MUC17: variants seen among roughly 807,000 people sequenced by gnomAD.
MUC17 encodes mucin 17, cell surface associated, also known as mucin-17.
A neutral mutation model predicts 170.3 loss-of-function variants in MUC17; 190 were observed. The observed-to-expected ratio is 1.12, with a 90% CI of 0.99 to 1.26. The LOEUF (loss-of-function observed/expected upper bound fraction) is 1.26, where lower values mean the gene tolerates loss of function less well. MUC17 is among the 50% of genes most tolerant of loss of function. The pLI is 0.00. For synonymous variants in MUC17, 2,325 were observed against 2,002.5 expected (o/e 1.16, Z -4.30); for missense variants, 6,415 against 5,530.0 (o/e 1.16, Z -5.08).
At chr7:101,022,098 T>C (rs1794101486) in intron 1 of MUC17, among the ~76,000 whole-genome samples, 1 of 151,632 alleles carries the variant, frequency 6.6e-6, no homozygotes, top group Non-Finnish European at 1.5e-5. Flanking sequence ...CCCCCATCCC[T>C]GTCTAGGGCT....
At position 101,043,106 on chromosome 7, in the gene MUC17, C is replaced by A; in HGVS notation, c.11690C>A (p.Thr3897Lys). ...TSFPGASIASTPPLDTSTTFT... is the reference protein window; with the variant it reads ...TSFPGASIASKPPLDTSTTFT... Reference sequence around the variant, plus strand: ...TTTCCTGGGGCCAGCATAGCTTCGACACCTCCTCTTGACACAAGCACAACT... The same window carrying A: ...TTTCCTGGGGCCAGCATAGCTTCGAAACCTCCTCTTGACACAAGCACAACT... The change falls in exon 3 of 13, where the codon ACA (threonine) becomes AAA (lysine). Residue 3897 changes from threonine to lysine, a missense_variant. By Grantham distance (78) the Thr-to-Lys change is moderately conservative. Coordinates refer to ENST00000306151, the MANE Select transcript of MUC17 (RefSeq NM_001040105.2). 6.2e-7 allele frequency: 1 copy of A among 1,614,196 alleles called. No homozygotes were observed. The highest frequency in any genetic ancestry group is 2.2e-5 in the East Asian group (1 of 44,888).
At chr7:101,056,050 C>A in intron 11 of MUC17, 144 bp from the exon 12 acceptor site, 1 of 1,150,510 alleles carries the variant, frequency 8.7e-7, no homozygotes, top group Non-Finnish European at 1.2e-6. Context: ...GTAATGTTGA[C>A]AGTTTGTCAC....
rs1478568088 is a variant in MUC17 at position 101,037,493 on chromosome 7, C to T, written c.6077C>T (p.Pro2026Leu). The T allele has an allele frequency of 6.2e-7, 1 of 1,613,402 alleles. No individual in the cohort carries two copies. The highest frequency in any genetic ancestry group is 8.5e-7 in the Non-Finnish European group (1 of 1,179,642). ...ATTSTEGSSSPTTAGGTSIQT... is the reference protein window; with the variant it reads ...ATTSTEGSSSLTTAGGTSIQT... ...ACTTCTACTGAAGGCAGTTCATCTC[C>T]TACAACTGCAGGAGGTACCAGCATA... The change falls in exon 3 of 13, where the codon CCT becomes CTT. Residue 2026 changes from proline to leucine, a missense_variant. Transcript: ENST00000306151.
chr7:101,048,605 A>AGAAG (rs1202655326), intron 4 of MUC17, among the ~76,000 whole-genome samples: 1 of 151,956 alleles, frequency 6.6e-6, no homozygotes, highest in South Asian at 2.1e-4. Flanking sequence ...AAAAAAAGAA[A>AGAAG]GAAGGAAGGA....
Position 101,037,914 on chromosome 7 carries a change from G to A in MUC17, c.6498G>A (p.Met2166Ile), listed in dbSNP as rs767306435. 1.2e-6 allele frequency: 2 copies of A among 1,609,156 alleles called. No individual in the cohort carries two copies. The highest frequency in any genetic ancestry group is 1.3e-5 in the African/African-American group (1 of 74,434). ...YSDRRTPLTSMPVSTTVVASS... is the reference protein window; with the variant it reads ...YSDRRTPLTSIPVSTTVVASS... ...ACAGAAGAACTCCTTTAACAAGTAT[G>A]CCTGTCAGCACCACAGTGGTGGCCA... Residue 2166 changes from methionine to isoleucine, a missense_variant, in exon 3 of 13, where the codon ATG (methionine) becomes ATA (isoleucine). By Grantham distance (10) the Met-to-Ile change is conservative (BLOSUM62 1). Coordinates refer to ENST00000306151, the MANE Select transcript of MUC17 (RefSeq NM_001040105.2).
rs372331645 is a variant in MUC17 at position 101,021,985 on chromosome 7, G to A, written c.82+1768G>A. Among the ~76,000 whole-genome samples, 18 of 152,164 alleles carry A rather than the reference G, an allele frequency of 1.2e-4. No homozygotes were observed. In the East Asian group the frequency reaches 2.3e-3, roughly 20 times the overall value. On this transcript the variant is annotated intron_variant, in intron 1 of 12. Transcript: ENST00000306151. The stretch of plus-strand genomic sequence containing the variant: ...AATGTCCTGTCTGTTTGCCCAGCCC[G>A]GCCCTGCCATCACAGATGCCCTCTC...
rs1584871324 is a variant in MUC17 at position 101,042,022 on chromosome 7, A to C, written c.10606A>C (p.Thr3536Pro). 1 of 1,613,970 alleles carries C rather than the reference A, an allele frequency of 6.2e-7. No individual in the cohort carries two copies. Among genetic ancestry groups the C allele is most frequent in the Non-Finnish European group, 8.5e-7 (1 of 1,179,944 alleles). Reference sequence around the variant, plus strand: ...ACCGGTGGCCAGTTCTGAGGCTAGCACCCTTTCAACAACTCCTGTTGACTC... The same window carrying C: ...ACCGGTGGCCAGTTCTGAGGCTAGCCCCCTTTCAACAACTCCTGTTGACTC... ...TTPVASSEAS[T>P]LSTTPVDSNT... is the part of the protein sequence containing the mutation. Residue 3536 changes from threonine to proline, a missense_variant, in exon 3 of 13, where the codon ACC (threonine) becomes CCC (proline). Transcript: ENST00000306151.
At position 101,037,356 on chromosome 7, in the gene MUC17, T is replaced by C. The variant is rs372965833; in HGVS notation, c.5940T>C (p.Tyr1980=). 6.8e-5 allele frequency: 109 copies of C among 1,613,994 alleles called. No homozygotes were observed. The highest frequency in any genetic ancestry group is 4.9e-4 in the Middle Eastern group (3 of 6,084). Residue 1980 remains tyrosine, a synonymous_variant, in exon 3 of 13, where the codon TAT becomes TAC. Transcript: ENST00000306151. ...GTACCAGCATGCCAACCCCAGCTTA[T>C]AGTGAAGGAAGCACTCCACTAACAA... ...ADGTSMPTPA[Y]SEGSTPLTSM...
chr7:101,032,083 G>A lies in MUC17; in HGVS notation c.667G>A (p.Ala223Thr). The A allele has an allele frequency of 6.2e-7, 1 of 1,614,054 alleles. No individual in the cohort carries two copies. The highest frequency in any genetic ancestry group is 8.5e-7 in the Non-Finnish European group (1 of 1,179,998). The part of the protein sequence containing the change: ...EGSTPLTSMP[A>T]STMKVASSEA... ...AAGCACTCCATTAACAAGTATGCCTGCCAGCACCATGAAGGTGGCCAGTTC... is the reference window on the plus strand; with the variant it reads ...AAGCACTCCATTAACAAGTATGCCTACCAGCACCATGAAGGTGGCCAGTTC... Residue 223 changes from alanine (A) to threonine (T), a missense_variant, in exon 3 of 13, where the codon GCC becomes ACC. Physicochemically the swap from Ala to Thr is moderately conservative, Grantham distance 58. Transcript: ENST00000306151.
Position 101,037,173 on chromosome 7 carries a change from A to G in MUC17, c.5757A>G (p.Ser1919=), listed in dbSNP as rs765713724. ...CTGACGGTAGCAGCATGCCAACCTC[A>G]ACTCCTAGGGAAGGAAGGCCTCCAT... The part of the protein sequence containing the change: ...TTADGSSMPT[S]TPREGRPPLT... Residue 1919 remains serine (S), a synonymous_variant, in exon 3 of 13, where the codon TCA becomes TCG. Transcript: ENST00000306151. 1.9e-6 allele frequency: 3 copies of G among 1,612,524 alleles called. No homozygotes were observed. In the East Asian group the frequency reaches 6.7e-5, roughly 36 times the overall value.
rs1794501524 is a variant in MUC17, at chr7:101,036,904, A to G, written c.5488A>G (p.Thr1830Ala). 1.9e-6 allele frequency: 3 copies of G among 1,612,938 alleles called. No homozygotes were observed. The highest frequency in any genetic ancestry group is 2.5e-6 in the Non-Finnish European group (3 of 1,179,452). Residue 1830 changes from threonine to alanine, a missense_variant, in exon 3 of 13, where the codon ACA (threonine) becomes GCA (alanine). Coordinates refer to ENST00000306151, the MANE Select transcript of MUC17 (RefSeq NM_001040105.2). ...CAATTCTGAGGCTAGCACCCTTTCA[A>G]CAACTCCTGTTGACTCTAACAGTCC... The part of the protein sequence containing the change: ...VANSEASTLS[T>A]TPVDSNSPVV...
Position 101,036,973 on chromosome 7 carries a change from G to A in MUC17, c.5557G>A (p.Glu1853Lys). The change falls in exon 3 of 13, where the codon GAA becomes AAA. Residue 1853 changes from glutamate (E) to lysine (K), a missense_variant. Coordinates refer to ENST00000306151, the MANE Select transcript of MUC17 (RefSeq NM_001040105.2). ...AGTCAGTTCATCTCCTACACCTGCT[G>A]AAGGTACCAGCATAGCAACCTCAAC... The part of the protein sequence containing the change: ...TAVSSSPTPA[E>K]GTSIATSTPS... 6.3e-7 allele frequency: 1 copy of A among 1,584,220 alleles called. No homozygotes were observed. The highest frequency in any genetic ancestry group is 1.2e-5 in the South Asian group (1 of 81,168).
At position 101,043,736 on chromosome 7, in the gene MUC17, C is replaced by T. The variant is rs150141937; in HGVS notation, c.12320C>T (p.Thr4107Met). Residue 4107 changes from threonine to methionine, a missense_variant, in exon 3 of 13, where the codon ACG (threonine) becomes ATG (methionine). Coordinates refer to ENST00000306151, the MANE Select transcript of MUC17 (RefSeq NM_001040105.2). ...KPSTRTTSFP[T>M]VTTTAVPTNT... ...AGCACACGGACCACTTCCTTCCCCA[C>T]GGTGACCACCACCGCTGTCCCCACG... is the stretch of plus-strand genomic sequence containing the variant. 1.3e-3 allele frequency: 2,131 copies of T among 1,614,158 alleles called. 6 individuals carry two copies. Among genetic ancestry groups the T allele is most frequent in the African/African-American group, 2.1e-3 (154 of 75,052 alleles).
chr7:101,049,437 G>C, intron 6 of MUC17, 55 bp downstream of exon 6: 1 of 1,577,104 alleles, frequency 6.3e-7, no homozygotes, highest in African/African-American at 1.3e-5. Context: ...AGTGGTCATA[G>C]TTATAAAGGC....
chr7:101,021,117 T>C (rs1401865276), intron 1 of MUC17, among the ~76,000 whole-genome samples: 2 of 151,738 alleles, frequency 1.3e-5, no homozygotes, highest in Non-Finnish European at 2.9e-5. Flanking sequence ...GTGATGTATC[T>C]CTAATAACAG....
intron 3 of MUC17, among the ~76,000 whole-genome samples, chr7:101,045,593 A>G (rs1354938523): frequency 1.3e-5 from 2 of 152,114 alleles, no homozygotes; most frequent in Non-Finnish European, 2.9e-5. Flanking sequence ...GGGTTTCACC[A>G]TGTTGGCCAG....
intron 1 of MUC17, among the ~76,000 whole-genome samples, chr7:101,029,297 A>C (rs537135999): frequency 6.6e-6 from 1 of 151,378 alleles, no homozygotes; most frequent in East Asian, 2.0e-4. Context: ...CAGAGGTTGC[A>C]GTGAGCAGAG....
chr7:101,053,533 C>A, intron 11 of MUC17, 97 bp downstream of exon 11: 2 of 922,920 alleles, frequency 2.2e-6, no homozygotes, highest in Non-Finnish European at 3.4e-6. Flanking sequence ...TTTGAAAGGC[C>A]AAGGCAGGAG....
At chr7:101,057,151 T>C (rs1411956660) in intron 12 of MUC17, among the ~76,000 whole-genome samples, 1 of 152,202 alleles carries the variant, frequency 6.6e-6, no homozygotes, top group Non-Finnish European at 1.5e-5. Flanking sequence ...GATAATGCTA[T>C]CGCCTCACTT....
Sources: gnomAD v4.1 joint callset for allele counts (sites outside exome capture counted in the v4.1 genomes callset) on GRCh38, gnomAD v4.1.1 for gene constraint, MANE v1.5 for transcripts, NCBI Gene and HGNC (gene_info 2026-07-23, HGNC 2026-07-21) for gene names.